JMJD1C: variants seen among roughly 807,000 people sequenced by gnomAD.
JMJD1C encodes the protein jumonji domain containing 1C.
In JMJD1C, 31 loss-of-function variants were observed where a neutral mutation model predicts 245.3. That is an observed-to-expected ratio of 0.13 (90% CI 0.09 to 0.17). The LOEUF (loss-of-function observed/expected upper bound fraction) is 0.17, where lower values mean the gene tolerates loss of function less well. JMJD1C is among the 10% of genes least tolerant of loss of function. JMJD1C has a pLI of 1.00. For synonymous variants in JMJD1C, 1,057 were observed against 1,017.4 expected, an observed-to-expected ratio of 1.04 and a Z score of -0.74; for missense variants, 2,691 against 3,000.2, an observed-to-expected ratio of 0.90 and a Z score of 2.41.
chr10:63,334,302 C>T (rs745691837), intron 2 of JMJD1C, among the ~76,000 whole-genome samples: 3 of 152,084 alleles, frequency 2.0e-5, no homozygotes, highest in Non-Finnish European at 4.4e-5. Context: ...AGGGAAAAGA[C>T]ATGTAATTTG....
At chr10:63,202,645 T>A in intron 10 of JMJD1C, 1 of 985,464 alleles carries the variant, frequency 1.0e-6, no homozygotes. Context: ...AAGGAGCCAT[T>A]TGGCTTAATC....
intron 2 of JMJD1C, among the ~76,000 whole-genome samples, chr10:63,349,769 C>A (rs1027178079): frequency 2.0e-5 from 3 of 152,082 alleles, no homozygotes; most frequent in African/African-American, 7.2e-5. Flanking sequence ...CTAGTATTTT[C>A]CAGAAGCGCT....
intron 2 of JMJD1C, among the ~76,000 whole-genome samples, chr10:63,283,721 AT>A (rs2133900298): frequency 6.6e-6 from 1 of 152,248 alleles, no homozygotes; most frequent in South Asian, 2.1e-4. Flanking sequence ...TCTCAGAATC[AT>A]TCTTCCTGCT....
intron 2 of JMJD1C, among the ~76,000 whole-genome samples, chr10:63,373,826 TAAAG>T (rs926751416): frequency 6.6e-6 from 1 of 152,172 alleles, no homozygotes; most frequent in African/African-American, 2.4e-5. Flanking sequence ...TAGACATCCT[TAAAG>T]AAGCCAAATT....
chr10:63,195,231 T>G (rs2133033905), intron 13 of JMJD1C, among the ~76,000 whole-genome samples: 1 of 151,958 alleles, frequency 6.6e-6, no homozygotes, highest in South Asian at 2.1e-4. Flanking sequence ...CACATGCCTG[T>G]AGTCCCAGCT....
intron 3 of JMJD1C, among the ~76,000 whole-genome samples, chr10:63,237,045 G>C (rs933601780): frequency 6.6e-6 from 1 of 152,008 alleles, no homozygotes; most frequent in Non-Finnish European, 1.5e-5. Flanking sequence ...GTTTTGTTTT[G>C]TTTTGTTTTT....
chr10:63,243,459 G>C (rs954889860), intron 3 of JMJD1C, among the ~76,000 whole-genome samples: 3 of 152,090 alleles, frequency 2.0e-5, no homozygotes, highest in African/African-American at 7.2e-5. Flanking sequence ...CTGGGAAGCG[G>C]AAGTTGCGCT....
At chr10:63,290,697 T>G (rs1056700891) in intron 2 of JMJD1C, among the ~76,000 whole-genome samples, 2 of 152,204 alleles carry the variant, frequency 1.3e-5, no homozygotes, top group African/African-American at 4.8e-5. Flanking sequence ...TCTGAGGTAC[T>G]TATTTATGGA....
At chr10:63,234,493 T>TAAAAAAAAAAAAAAAAA (rs71025129) in intron 3 of JMJD1C, among the ~76,000 whole-genome samples, 12 of 37,034 alleles carry the variant, frequency 3.2e-4, no homozygotes, top group East Asian at 1.9e-3. Flanking sequence ...AACCTCCTCT[T>TAAAAAAAAAAAAAAAAA]AAAAAAAAAA....
At chr10:63,440,573 T>C (rs1267105851) in intron 1 of JMJD1C, among the ~76,000 whole-genome samples, 1 of 152,132 alleles carries the variant, frequency 6.6e-6, no homozygotes, top group Non-Finnish European at 1.5e-5. Context: ...ACACATTCTC[T>C]GAGCATCCAC....
intron 2 of JMJD1C, among the ~76,000 whole-genome samples, chr10:63,319,070 C>T (rs1356217212): frequency 6.6e-6 from 1 of 151,984 alleles, no homozygotes; most frequent in Non-Finnish European, 1.5e-5. Context: ...ACCATCCTGA[C>T]TAACATGGTG....
At chr10:63,351,802 A>T (rs1003473929) in intron 2 of JMJD1C, among the ~76,000 whole-genome samples, 12 of 151,868 alleles carry the variant, frequency 7.9e-5, no homozygotes, top group South Asian at 4.2e-4. Flanking sequence ...AATACGGCTT[A>T]AAAAAAAATC....
At chr10:63,225,397 C>T (rs1013109808) in intron 3 of JMJD1C, among the ~76,000 whole-genome samples, 2 of 152,146 alleles carry the variant, frequency 1.3e-5, no homozygotes, top group African/African-American at 4.8e-5. Context: ...GGGGGTACAT[C>T]AGTCACTTGT....
chr10:63,302,033 T>C (rs1860153182), intron 2 of JMJD1C, among the ~76,000 whole-genome samples: 1 of 152,190 alleles, frequency 6.6e-6, no homozygotes, highest in Non-Finnish European at 1.5e-5. Flanking sequence ...TTTTTTTCCC[T>C]TGAGACAAGG....
At position 63,214,685 on chromosome 10, in the gene JMJD1C, T is replaced by C; in HGVS notation, c.1482A>G (p.Leu494=). 6.2e-7 allele frequency: 1 copy of C among 1,613,910 alleles called. No homozygotes were observed. The highest frequency in any genetic ancestry group is 1.1e-5 in the South Asian group (1 of 91,064). Residue 494 remains leucine (L), a synonymous_variant, in exon 8 of 26, where the codon CTA becomes CTG. Transcript: ENST00000399262. ...NMDKTHTMEL[L]PKEKFVSRPP... ...GTCTGGATACAAACTTCTCCTTTGGTAGCAATTCCATGGTATGTGTTTTAT... is the reference window on the plus strand; with the variant it reads ...GTCTGGATACAAACTTCTCCTTTGGCAGCAATTCCATGGTATGTGTTTTAT...
intron 2 of JMJD1C, among the ~76,000 whole-genome samples, chr10:63,272,248 G>C (rs1426211881): frequency 6.6e-6 from 1 of 152,078 alleles, no homozygotes; most frequent in Non-Finnish European, 1.5e-5. Context: ...GCATGATCCA[G>C]AAGGTAACTT....
intron 1 of JMJD1C, among the ~76,000 whole-genome samples, chr10:63,383,165 G>A (rs1047174219): frequency 6.7e-6 from 1 of 149,960 alleles, no homozygotes; most frequent in Admixed American, 6.7e-5. Flanking sequence ...CCTGGTAAAA[G>A]GTTAAGTTTG....
At chr10:63,330,974 TTACTC>T (rs1942079755) in intron 2 of JMJD1C, among the ~76,000 whole-genome samples, 1 of 152,194 alleles carries the variant, frequency 6.6e-6, no homozygotes, top group Admixed American at 6.5e-5. Flanking sequence ...GCACAGTCGA[TTACTC>T]TATGACCTGT....
intron 2 of JMJD1C, chr10:63,373,054 GTTGATTTC>G (rs1564845624): frequency 1.1e-5 from 2 of 188,660 alleles, no homozygotes; most frequent in Non-Finnish European, 1.3e-5. Flanking sequence ...TAGGTGATTC[GTTGATTTC>G]AATTATGAAT....
Sources: gnomAD v4.1 joint callset for allele counts (sites outside exome capture counted in the v4.1 genomes callset) on GRCh38, gnomAD v4.1.1 for gene constraint, MANE v1.5 for transcripts, NCBI Gene and HGNC (gene_info 2026-07-23, HGNC 2026-07-21) for gene names.